Variants in MACROD1 observed in about 807,000 individuals in gnomAD.
MACROD1 encodes the protein mono-ADP ribosylhydrolase 1.
A neutral mutation model predicts 41.4 loss-of-function variants in MACROD1; 31 were observed. That is an observed-to-expected ratio of 0.75 (90% CI 0.56 to 1.01). The LOEUF (loss-of-function observed/expected upper bound fraction) is 1.01. MACROD1 is among the 50% of genes least tolerant of loss of function. The pLI is 0.00. For synonymous variants in MACROD1, 252 were observed against 203.4 expected (o/e 1.24, Z -2.03); for missense variants, 473 against 460.0 (o/e 1.03, Z -0.26).
At chr11:64,004,044 G>A (rs1388444968) in intron 4 of MACROD1, among the ~76,000 whole-genome samples, 1 of 152,224 alleles carries the variant, frequency 6.6e-6, no homozygotes, top group Non-Finnish European at 1.5e-5. Context: ...CCTCGCCTGA[G>A]CCCGGAGGAA....
intron 3 of MACROD1, among the ~76,000 whole-genome samples, chr11:64,034,240 G>A (rs1943331644): frequency 6.6e-6 from 1 of 152,230 alleles, no homozygotes; most frequent in Admixed American, 6.5e-5. Flanking sequence ...CTGGGAAGGC[G>A]GGACGGAAAC....
At chr11:64,116,824 G>A (rs373200373) in intron 3 of MACROD1, 37 of 1,613,058 alleles carry the variant, frequency 2.3e-5, no homozygotes, top group Non-Finnish European at 2.9e-5. Context: ...TTCCTGAGCC[G>A]GAACCACCTG....
intron 3 of MACROD1, among the ~76,000 whole-genome samples, chr11:64,025,650 T>C (rs1943214356): frequency 6.6e-6 from 1 of 151,960 alleles, no homozygotes; most frequent in Admixed American, 6.6e-5. Flanking sequence ...GGTTTGCTGT[T>C]ATTATTCATT....
At chr11:64,132,687 C>T (rs895439543) in intron 3 of MACROD1, among the ~76,000 whole-genome samples, 1 of 152,178 alleles carries the variant, frequency 6.6e-6, no homozygotes, top group African/African-American at 2.4e-5. Flanking sequence ...GTGCCCGGGT[C>T]TCCTAATGAA....
intron 3 of MACROD1, among the ~76,000 whole-genome samples, chr11:64,072,431 A>T (rs923157940): frequency 2.0e-5 from 3 of 151,358 alleles, no homozygotes; most frequent in African/African-American, 7.3e-5. Context: ...TTTAAAAAAA[A>T]AAAAATAATA....
intron 3 of MACROD1, among the ~76,000 whole-genome samples, chr11:64,044,350 C>T (rs1048329962): frequency 2.0e-5 from 3 of 151,188 alleles, no homozygotes; most frequent in Non-Finnish European, 1.5e-5. Context: ...CTTTTGGGCT[C>T]AAGTGATCCT....
At chr11:64,074,579 C>T (rs113295262) in intron 3 of MACROD1, among the ~76,000 whole-genome samples, 3,137 of 152,304 alleles carry the variant, frequency 0.021, 61 homozygotes, top group South Asian at 0.052. Context: ...TCCATGTCCC[C>T]GCAGGCCCTC....
intron 3 of MACROD1, among the ~76,000 whole-genome samples, chr11:64,051,042 A>G (rs530524960): frequency 3.9e-5 from 6 of 152,298 alleles, no homozygotes; most frequent in African/African-American, 1.2e-4. Flanking sequence ...GTAAATTCCA[A>G]GGATTGAGGC....
At chr11:64,052,138 C>G (rs1234570148) in intron 3 of MACROD1, among the ~76,000 whole-genome samples, 1 of 151,980 alleles carries the variant, frequency 6.6e-6, no homozygotes, top group Non-Finnish European at 1.5e-5. Flanking sequence ...GAAAGAGTGG[C>G]CTTGGGGCCA....
At chr11:64,141,689 C>T (rs569321769) in intron 3 of MACROD1, among the ~76,000 whole-genome samples, 7 of 152,270 alleles carry the variant, frequency 4.6e-5, no homozygotes, top group Admixed American at 1.3e-4. Flanking sequence ...GACAGCACAC[C>T]GGGGACGCAA....
At chr11:64,149,227 G>A (rs375888488) in intron 3 of MACROD1, among the ~76,000 whole-genome samples, 7 of 152,146 alleles carry the variant, frequency 4.6e-5, no homozygotes, top group Non-Finnish European at 1.0e-4. Context: ...CCCGATTCCC[G>A]CCAGGTGCTG....
At chr11:64,073,790 C>T (rs920020085) in intron 3 of MACROD1, among the ~76,000 whole-genome samples, 1 of 152,216 alleles carries the variant, frequency 6.6e-6, no homozygotes, top group African/African-American at 2.4e-5. Flanking sequence ...ACTGAGAAAC[C>T]CAGCAGCCGC....
At chr11:64,141,154 A>C (rs926190090) in intron 3 of MACROD1, among the ~76,000 whole-genome samples, 8 of 152,166 alleles carry the variant, frequency 5.3e-5, no homozygotes, top group Non-Finnish European at 1.0e-4. Context: ...GTCCACATGG[A>C]GAATCCACAG....
chr11:64,150,379 G>A (rs574715548), intron 3 of MACROD1, among the ~76,000 whole-genome samples: 9 of 152,352 alleles, frequency 5.9e-5, no homozygotes, highest in African/African-American at 1.9e-4. Flanking sequence ...GCACAGGTTA[G>A]GGAGGGGCTG....
Position 64,165,799 on chromosome 11 carries a change from C to A in MACROD1, c.196G>T (p.Ala66Ser). ...RTSAGVGAWGAAAVGRTAGVR... is the reference protein window; with the variant it reads ...RTSAGVGAWGSAAVGRTAGVR... ...CCGGCTGTCCGCCCCACCGCCGCCGCCCCCCACGCCCCAACTCCCGCCGAG... is the reference window on the plus strand; with the variant it reads ...CCGGCTGTCCGCCCCACCGCCGCCGACCCCCACGCCCCAACTCCCGCCGAG... The change falls in exon 1 of 11, where the codon GCG (alanine) becomes TCG (serine). Residue 66 changes from alanine to serine, a missense_variant. Transcript: ENST00000255681. The A allele has an allele frequency of 6.8e-7, 1 of 1,480,922 alleles. No homozygotes were observed. Among genetic ancestry groups the A allele is most frequent in the African/African-American group, 1.5e-5 (1 of 68,350 alleles). 91.7% of individuals were successfully genotyped at this position (1,480,922 alleles called of 1,614,324 possible).
At chr11:64,021,920 A>G (rs565788607) in intron 3 of MACROD1, among the ~76,000 whole-genome samples, 2 of 46,988 alleles carry the variant, frequency 4.3e-5, no homozygotes, top group African/African-American at 1.7e-4. Context: ...AATGCAAGGG[A>G]GTGGCAGGGG....
chr11:64,164,498 GTC>G lies in MACROD1; in HGVS notation c.298+1197_298+1198del, dbSNP rs537290573. ...GGGGACAGTGGCTCCCCCTCCAGGGGTCTCTGCCAGCCCCAAACTCCTCCTGC... is the reference window on the plus strand; with the variant it reads ...GGGGACAGTGGCTCCCCCTCCAGGGGTCTGCCAGCCCCAAACTCCTCCTGC... On this transcript the variant is annotated intron_variant, in intron 1 of 10. Transcript: ENST00000255681. 5.3e-5 allele frequency among the ~76,000 whole-genome samples: 8 copies of G among 152,374 alleles called. No homozygotes were observed. The South Asian group carries it at 1.7e-3, about 32-fold the overall frequency.
intron 1 of MACROD1, among the ~76,000 whole-genome samples, chr11:64,155,881 G>C (rs1373853793): frequency 2.6e-5 from 4 of 151,990 alleles, no homozygotes; most frequent in African/African-American, 9.7e-5. Context: ...GGCCGAGACA[G>C]GTGGATCACC....
intron 3 of MACROD1, among the ~76,000 whole-genome samples, chr11:64,104,554 G>A (rs931572864): frequency 1.3e-5 from 2 of 152,128 alleles, no homozygotes; most frequent in Non-Finnish European, 2.9e-5. Flanking sequence ...AGGCCTTGGC[G>A]GGGTGGTGGG....
Sources: gnomAD v4.1 joint callset for allele counts (sites outside exome capture counted in the v4.1 genomes callset) on GRCh38, gnomAD v4.1.1 for gene constraint, MANE v1.5 for transcripts, NCBI Gene and HGNC (gene_info 2026-07-23, HGNC 2026-07-21) for gene names.